The following AGXT2 variants were observed in gnomAD, a reference collection of about 807,000 sequenced individuals.
AGXT2 encodes the protein alanine--glyoxylate aminotransferase 2, mitochondrial.
Under a neutral mutation model 62.5 loss-of-function variants are expected in AGXT2, and 61 were observed. The ratio of observed to expected loss-of-function variants is 0.98; its 90% CI spans 0.79 to 1.21. The LOEUF (loss-of-function observed/expected upper bound fraction) is 1.21, where lower values mean the gene tolerates loss of function less well. Among genes scored for constraint, AGXT2 ranks in the 50% most tolerant of loss-of-function variants. The pLI is 0.00. For synonymous variants in AGXT2, 243 were observed against 218.7 expected (o/e 1.11, Z -0.98); for missense variants, 666 against 641.5 (o/e 1.04, Z -0.41).
At chr5:35,005,013 G>C (rs886235920) in intron 12 of AGXT2, among the ~76,000 whole-genome samples, 4 of 152,288 alleles carry the variant, frequency 2.6e-5, no homozygotes, top group East Asian at 1.9e-4. Flanking sequence ...GATCAGAAAG[G>C]ACCTGAGGGA....
chr5:35,014,449 T>C (rs1466383448), intron 9 of AGXT2, among the ~76,000 whole-genome samples: 1 of 39,382 alleles, frequency 2.5e-5, no homozygotes, highest in African/African-American at 9.9e-5. Flanking sequence ...TGAGACTCCA[T>C]CTCAAAAAAA....
chr5:35,045,488 A>T (rs1768153274), intron 1 of AGXT2, among the ~76,000 whole-genome samples: 1 of 152,200 alleles, frequency 6.6e-6, no homozygotes. Flanking sequence ...CCTGGAATAG[A>T]GGGCAGGAGC....
intron 12 of AGXT2, 36 bp from the exon 13 acceptor site, chr5:35,003,897 G>A (rs1488402244): frequency 6.3e-7 from 1 of 1,590,716 alleles, no homozygotes; most frequent in South Asian, 1.1e-5. Flanking sequence ...TCTATTTGGT[G>A]TTGGAATGGT....
At chr5:35,032,846 A>G in intron 6 of AGXT2, 21 bp from the exon 7 acceptor site, 1 of 1,581,574 alleles carries the variant, frequency 6.3e-7, no homozygotes, top group Non-Finnish European at 8.6e-7. Context: ...CAAAAGAAGG[A>G]GTGTGGCAAA....
At chr5:35,042,321 A>G (rs931593587) in intron 1 of AGXT2, among the ~76,000 whole-genome samples, 9 of 152,136 alleles carry the variant, frequency 5.9e-5, no homozygotes, top group Non-Finnish European at 5.9e-5. Context: ...AATACGTGAA[A>G]TTCTGCAAGG....
intron 1 of AGXT2, among the ~76,000 whole-genome samples, chr5:35,041,259 C>T (rs1411812273): frequency 8.2e-6 from 1 of 121,544 alleles, no homozygotes; most frequent in African/African-American, 3.2e-5. Flanking sequence ...CAACATAAGA[C>T]TGTGATGAAA....
chr5:35,031,507 A>T lies in AGXT2; in HGVS notation c.769+1225T>A, dbSNP rs1173119150. Among the ~76,000 whole-genome samples, 8 of 152,312 alleles carry T rather than the reference A, an allele frequency of 5.3e-5. No individual in the cohort carries two copies. The South Asian group carries it at 6.2e-4, about 12-fold the overall frequency. On this transcript the variant is annotated intron_variant, in intron 7 of 13. Coordinates refer to ENST00000231420, the MANE Select transcript of AGXT2 (RefSeq NM_031900.4). Reference sequence around the variant, plus strand: ...CCATTAAAAATCACTGGGCTGAAGCATTTAGTTATTTCCTTCAGAAGTACT... The same window carrying T: ...CCATTAAAAATCACTGGGCTGAAGCTTTTAGTTATTTCCTTCAGAAGTACT...
intron 11 of AGXT2, among the ~76,000 whole-genome samples, chr5:35,010,557 C>T (rs983570832): frequency 5.3e-5 from 8 of 151,718 alleles, no homozygotes; most frequent in South Asian, 2.1e-4. Context: ...CTGTGGGGGG[C>T]GCCTGTAGTC....
chr5:35,025,421 AT>A (rs1183610340), intron 9 of AGXT2, among the ~76,000 whole-genome samples: 2 of 152,184 alleles, frequency 1.3e-5, no homozygotes, highest in African/African-American at 2.4e-5. Flanking sequence ...TGGCTATGAG[AT>A]TAAATTTCCT....
At chr5:35,035,805 G>A (rs930807801) in intron 4 of AGXT2, among the ~76,000 whole-genome samples, 1 of 152,194 alleles carries the variant, frequency 6.6e-6, no homozygotes, top group Non-Finnish European at 1.5e-5. Context: ...AGCCGGGTGC[G>A]GTGGCTCACG....
chr5:35,026,568 A>G (rs1371807759), intron 7 of AGXT2, 58 bp from the exon 8 acceptor site: 41 of 1,425,366 alleles, frequency 2.9e-5, no homozygotes, highest in Non-Finnish European at 2.0e-5. Context: ...TGTGAGCCTG[A>G]TATTTAGAAA....
At position 35,013,841 on chromosome 5, in the gene AGXT2, G is replaced by C. The variant is rs1208875689; in HGVS notation, c.1096+146C>G. 4.9e-6 allele frequency: 6 copies of C among 1,231,720 alleles called. No individual in the cohort carries two copies. In the Admixed American group the frequency reaches 8.6e-5, roughly 18 times the overall value. 76.3% of individuals were successfully genotyped at this position (1,231,720 alleles called of 1,614,324 possible). A position where few individuals can be genotyped will look rare whatever the true frequency, so the allele number is the denominator to read the frequency against. ...CAACTGTTTCACAGTCAGGCAGACAGACTGTTTCTCTCTTTCATTTGCTTG... is the reference window on the plus strand; with the variant it reads ...CAACTGTTTCACAGTCAGGCAGACACACTGTTTCTCTCTTTCATTTGCTTG... On this transcript the variant is annotated intron_variant, in intron 10 of 13. Coordinates refer to ENST00000231420, the MANE Select transcript of AGXT2 (RefSeq NM_031900.4).
intron 3 of AGXT2, 104 bp from the exon 4 acceptor site, chr5:35,037,169 C>A: frequency 6.5e-7 from 1 of 1,536,954 alleles, no homozygotes; most frequent in Non-Finnish European, 8.8e-7. Context: ...CAAAGAGTTT[C>A]AAGAGGCAGA....
At chr5:35,040,099 G>C (rs79285811) in intron 2 of AGXT2, among the ~76,000 whole-genome samples, 1 of 152,236 alleles carries the variant, frequency 6.6e-6, no homozygotes, top group Admixed American at 6.5e-5. Flanking sequence ...AAGAAAGAGA[G>C]AGAAAGAAAG....
intron 9 of AGXT2, among the ~76,000 whole-genome samples, chr5:35,018,870 T>C (rs1580585183): frequency 1.4e-5 from 2 of 144,142 alleles, no homozygotes; most frequent in East Asian, 2.0e-4. Context: ...AATAAAAGGA[T>C]GGAGGAAGAT....
At chr5:35,024,696 C>T (rs1170852431) in intron 9 of AGXT2, among the ~76,000 whole-genome samples, 4 of 152,152 alleles carry the variant, frequency 2.6e-5, no homozygotes, top group African/African-American at 9.7e-5. Flanking sequence ...CGGCCAGGCG[C>T]GGTGGCTCAT....
chr5:35,011,539 A>G (rs191946736), intron 11 of AGXT2, among the ~76,000 whole-genome samples: 1 of 151,704 alleles, frequency 6.6e-6, no homozygotes, highest in African/African-American at 2.4e-5. Context: ...TTCTCATCTC[A>G]TGACTTAATT....
chr5:35,027,074 T>C (rs145929077), intron 7 of AGXT2: 3 of 933,018 alleles, frequency 3.2e-6, no homozygotes, highest in East Asian at 2.3e-4. Context: ...CACTTGGTCC[T>C]GTGCTTGTTT....
In AGXT2 at chr5:35,038,176, C is replaced by T. The variant is rs182367672; in HGVS notation, c.363-1111G>A. On this transcript the variant is annotated intron_variant, in intron 3 of 13. Coordinates refer to ENST00000231420, the MANE Select transcript of AGXT2 (RefSeq NM_031900.4). ...TATTTTCTCATGGGACCCTTTTCCA[C>T]GGAAACTCCTGTGATCAGTGTTCCA... Among the ~76,000 whole-genome samples the T allele has an allele frequency of 2.1e-4, 32 of 152,260 alleles. No homozygotes were observed. In the South Asian group the frequency reaches 3.1e-3, roughly 15 times the overall value.
Sources: allele counts gnomAD v4.1 joint callset (sites outside exome capture counted in the v4.1 genomes callset), GRCh38; gene constraint gnomAD v4.1.1; transcripts MANE v1.5; gene names NCBI Gene and HGNC (gene_info 2026-07-23, HGNC 2026-07-21).